Variants in WNT9B observed in about 807,000 individuals in gnomAD.
WNT9B encodes Wnt family member 9B.
In WNT9B, 12 loss-of-function variants were observed where a neutral mutation model predicts 30.2. The ratio of observed to expected loss-of-function variants is 0.40; its 90% CI spans 0.26 to 0.64. The LOEUF (loss-of-function observed/expected upper bound fraction) is 0.64, where lower values mean the gene tolerates loss of function less well. Among genes scored for constraint, WNT9B ranks in the 30% least tolerant of loss-of-function variants. The probability of loss-of-function intolerance (pLI) is 0.42; values close to 1 mark genes in which losing one functional copy is unlikely to be tolerated. For missense variants in WNT9B, 442 were observed against 485.2 expected, an observed-to-expected ratio of 0.91 and a Z score of 0.84; for synonymous variants, 218 against 216.9, an observed-to-expected ratio of 1.01 and a Z score of -0.05.
At chr17:46,837,219 G>A (rs1479848283) in intron 1 of WNT9B, among the ~76,000 whole-genome samples, 1 of 152,158 alleles carries the variant, frequency 6.6e-6, no homozygotes, top group Non-Finnish European at 1.5e-5. Flanking sequence ...GGGATTACAG[G>A]CGTGAGCCAC....
intron 1 of WNT9B, among the ~76,000 whole-genome samples, chr17:46,864,597 G>A (rs188364308): frequency 3.0e-4 from 45 of 152,288 alleles, no homozygotes; most frequent in African/African-American, 1.1e-3. Flanking sequence ...GGTCAGAGGA[G>A]TCCTGACCAG....
chr17:46,834,727 C>G (rs2084604805), intron 1 of WNT9B, among the ~76,000 whole-genome samples: 1 of 152,136 alleles, frequency 6.6e-6, no homozygotes, highest in South Asian at 2.1e-4. Flanking sequence ...TGGAAGGTTC[C>G]CTCTGCCCTC....
At position 46,878,347 on chromosome 17, in the gene WNT9B, C is replaced by T. The variant is rs1028450153; in HGVS notation, c.*1629C>T. On this transcript the variant is annotated 3_prime_UTR_variant, in exon 4 of 4. Transcript: ENST00000290015. ...CTGTGCCAGCTCCAGGACAAAGGCCCGCTGACTGTGCCCTGGCCAACTCCC... is the reference window on the plus strand; with the variant it reads ...CTGTGCCAGCTCCAGGACAAAGGCCTGCTGACTGTGCCCTGGCCAACTCCC... Among the ~76,000 whole-genome samples the T allele has an allele frequency of 6.6e-6, 1 of 152,182 alleles. No homozygotes were observed. The highest frequency in any genetic ancestry group is 1.5e-5 in the Non-Finnish European group (1 of 68,040).
intron 1 of WNT9B, among the ~76,000 whole-genome samples, chr17:46,872,019 G>A (rs1028975217): frequency 3.3e-5 from 5 of 152,230 alleles, no homozygotes; most frequent in Non-Finnish European, 4.4e-5. Flanking sequence ...CTGGGTGTCC[G>A]CTCAATGTCC....
rs566655639 is a variant in WNT9B at position 46,877,919 on chromosome 17, C to T, written c.*1201C>T. ...GCCTCTCACTTGGCCCTCACTTTGG[C>T]TCTTACTTGAGGAGGAGACGTGACT... On this transcript the variant is annotated 3_prime_UTR_variant, in exon 4 of 4. Transcript: ENST00000290015. Among the ~76,000 whole-genome samples, 1 of 152,324 alleles carries T rather than the reference C, an allele frequency of 6.6e-6. No individual in the cohort carries two copies. The highest frequency in any genetic ancestry group is 1.5e-5 in the Non-Finnish European group (1 of 68,034).
At chr17:46,848,730 A>G (rs2084804924), upstream of WNT9B, among the ~76,000 whole-genome samples, 1 of 152,220 alleles carries the variant, frequency 6.6e-6, no homozygotes, top group South Asian at 2.1e-4. Flanking sequence ...ATCATGAGCC[A>G]TAGCCAGTAC....
At chr17:46,839,305 C>T (rs1406476062) in intron 1 of WNT9B, among the ~76,000 whole-genome samples, 1 of 152,250 alleles carries the variant, frequency 6.6e-6, no homozygotes, top group Non-Finnish European at 1.5e-5. Context: ...TACACTCTGT[C>T]CTTGTGGCCA....
intron 1 of WNT9B, among the ~76,000 whole-genome samples, chr17:46,863,842 C>T (rs935665795): frequency 1.3e-5 from 2 of 152,142 alleles, no homozygotes; most frequent in Non-Finnish European, 2.9e-5. Flanking sequence ...CCCAAGGGAG[C>T]CGCTCACAAC....
chr17:46,835,106 C>T (rs900359736), intron 1 of WNT9B, among the ~76,000 whole-genome samples: 2 of 152,196 alleles, frequency 1.3e-5, no homozygotes, highest in East Asian at 3.8e-4. Flanking sequence ...GTGATCCTCC[C>T]ACCTCAGCCT....
At chr17:46,850,943 T>C (rs2084833724), upstream of WNT9B, among the ~76,000 whole-genome samples, 1 of 152,168 alleles carries the variant, frequency 6.6e-6, no homozygotes, top group South Asian at 2.1e-4. Context: ...GCTGCGCGCC[T>C]CGCCGGTAAC....
chr17:46,882,117 C>T (rs1283404896), downstream of WNT9B, among the ~76,000 whole-genome samples: 1 of 152,172 alleles, frequency 6.6e-6, no homozygotes, highest in South Asian at 2.1e-4. Context: ...GATTGCACCA[C>T]TGCCTTCCAG....
At chr17:46,838,614 G>A (rs910550349) in intron 1 of WNT9B, among the ~76,000 whole-genome samples, 54 of 152,154 alleles carry the variant, frequency 3.5e-4, no homozygotes, top group Admixed American at 2.9e-3. Context: ...GCGACAGAGC[G>A]AGACCCTGTC....
At chr17:46,854,786 G>A (rs972042217) in intron 1 of WNT9B, among the ~76,000 whole-genome samples, 3 of 151,902 alleles carry the variant, frequency 2.0e-5, no homozygotes, top group Admixed American at 6.6e-5. Flanking sequence ...TCAGCTTTCC[G>A]AGAGCTAGGA....
At chr17:46,880,672 C>CA (rs1418072364), downstream of WNT9B, among the ~76,000 whole-genome samples, 1 of 152,192 alleles carries the variant, frequency 6.6e-6, no homozygotes, top group African/African-American at 2.4e-5. Flanking sequence ...AACTGGCAGG[C>CA]AGTGGGGCCA....
At chr17:46,869,146 C>A (rs564759630) in intron 1 of WNT9B, among the ~76,000 whole-genome samples, 1 of 152,316 alleles carries the variant, frequency 6.6e-6, no homozygotes, top group African/African-American at 2.4e-5. Context: ...CCGGTGTGGC[C>A]TGAGGCCTCT....
intron 1 of WNT9B, among the ~76,000 whole-genome samples, chr17:46,864,831 T>C (rs2085104672): frequency 6.6e-6 from 1 of 152,036 alleles, no homozygotes; most frequent in Non-Finnish European, 1.5e-5. Context: ...ACCGGAGACC[T>C]GCACACTTGG....
At chr17:46,872,817 C>T in intron 2 of WNT9B, 44 bp downstream of exon 2, 1 of 1,498,060 alleles carries the variant, frequency 6.7e-7, no homozygotes, top group Non-Finnish European at 9.1e-7. Flanking sequence ...GGGGAAGAAG[C>T]CTTCAGGGAG....
rs930613918 is a variant in WNT9B at position 46,844,934 on chromosome 17, G to A, written c.95+11494G>A. 4.6e-5 allele frequency among the ~76,000 whole-genome samples: 7 copies of A among 151,774 alleles called. No individual in the cohort carries two copies. The East Asian group carries it at 1.2e-3, about 25-fold the overall frequency. On this transcript the variant is annotated intron_variant, in intron 1 of 2. Transcript: ENST00000575372. Reference sequence around the variant, plus strand: ...GGGATCTCTGCTCACTGCAACCTCCGCCTCCCAGCTGCAAGCAACTCTCCT... The same window carrying A: ...GGGATCTCTGCTCACTGCAACCTCCACCTCCCAGCTGCAAGCAACTCTCCT...
upstream of WNT9B, among the ~76,000 whole-genome samples, chr17:46,848,901 T>A (rs569609344): frequency 6.6e-5 from 10 of 151,918 alleles, no homozygotes; most frequent in East Asian, 1.9e-3. Context: ...TTAGTGAGAT[T>A]GTGAGCCAGG....
Sources: gnomAD v4.1 joint callset for allele counts (sites outside exome capture counted in the v4.1 genomes callset) on GRCh38, gnomAD v4.1.1 for gene constraint, MANE v1.5 for transcripts, NCBI Gene and HGNC (gene_info 2026-07-23, HGNC 2026-07-21) for gene names.